Variants in HOMER2 observed in about 807,000 individuals in gnomAD.
The protein encoded by HOMER2 is homer scaffold protein 2.
A neutral mutation model predicts 47.0 loss-of-function variants in HOMER2; 27 were observed. The observed-to-expected ratio is 0.57, with a 90% CI of 0.42 to 0.79. The LOEUF is 0.79. HOMER2 is among the 30% of genes least tolerant of loss of function. The pLI is 0.00. For synonymous variants in HOMER2, 161 were observed against 163.8 expected (o/e 0.98, Z 0.13); for missense variants, 443 against 435.0 (o/e 1.02, Z -0.16).
At chr15:82,940,553 C>A (rs959904992) in intron 1 of HOMER2, among the ~76,000 whole-genome samples, 5 of 152,150 alleles carry the variant, frequency 3.3e-5, no homozygotes, top group Non-Finnish European at 7.4e-5. Flanking sequence ...ACCATCCTGG[C>A]TAACACAGTG....
chr15:82,870,300 G>T (rs1252300927), intron 3 of HOMER2, among the ~76,000 whole-genome samples: 1 of 152,156 alleles, frequency 6.6e-6, no homozygotes, highest in East Asian at 1.9e-4. Flanking sequence ...TTTTGGTGGG[G>T]TAGGGGAATG....
chr15:82,840,889 A>C (rs1888460513), exon 2 of HOMER2: 1 of 152,172 alleles, frequency 6.6e-6, no homozygotes, highest in Non-Finnish European at 1.5e-5. Flanking sequence ...AAAAACTTCA[A>C]AGAGCAAAAA....
At chr15:82,905,591 C>T (rs2053264236) in intron 1 of HOMER2, among the ~76,000 whole-genome samples, 1 of 151,984 alleles carries the variant, frequency 6.6e-6, no homozygotes, top group African/African-American at 2.4e-5. Context: ...AAACACCTTA[C>T]CTACAAAGGA....
chr15:82,953,006 T>TA (rs1357921365), upstream of HOMER2, among the ~76,000 whole-genome samples: 21 of 152,328 alleles, frequency 1.4e-4, no homozygotes, highest in Admixed American at 6.5e-5. Context: ...CTGATGGACT[T>TA]AAAGTCCCAT....
In HOMER2 at chr15:82,849,313, T is replaced by C. The variant is rs146174181; in HGVS notation, c.*402A>G. 637 of 162,992 alleles carry C rather than the reference T, an allele frequency of 3.9e-3. 4 individuals are homozygous for C. The highest frequency in any genetic ancestry group is 0.014 in the African/African-American group (595 of 41,912). The allele number at this position is 162,992 out of a possible 1,614,324, so 10.1% of individuals were successfully genotyped here. A position where few individuals can be genotyped will look rare whatever the true frequency, so the allele number is the denominator to read the frequency against. On this transcript the variant is annotated 3_prime_UTR_variant, in exon 9 of 9. Transcript: ENST00000450735. ...CCCCGGGGCTGGTGTCTGGTGGACA[T>C]TCAAATACTCTGAATGCTATTTGAT... is the stretch of plus-strand genomic sequence containing the variant.
At chr15:82,903,210 G>C (rs1038554709) in intron 1 of HOMER2, among the ~76,000 whole-genome samples, 1 of 152,300 alleles carries the variant, frequency 6.6e-6, no homozygotes, top group African/African-American at 2.4e-5. Context: ...GGCCTAGAGC[G>C]GTAGGGACCG....
exon 2 of HOMER2, chr15:82,841,667 TC>T (rs2051177574): frequency 6.6e-6 from 1 of 152,160 alleles, no homozygotes; most frequent in Admixed American, 6.5e-5. Flanking sequence ...AATAAAATTA[TC>T]AACCTACCCA....
rs2069254 is a variant in HOMER2, at chr15:82,916,447, T to C, written c.6-23606A>G. Among the ~76,000 whole-genome samples the C allele has an allele frequency of 5.6e-3, 850 of 152,226 alleles. 8 individuals carry two copies. Among genetic ancestry groups the C allele is most frequent in the African/African-American group, 0.02 (817 of 41,536 alleles). On this transcript the variant is annotated intron_variant, in intron 1 of 8. Transcript: ENST00000450735. ...GTACATGGGATGAGGTACAAAACAG[T>C]GACCCTAAAGCAAGGGTCTTCCGAC...
At chr15:82,894,612 A>G (rs2052841550) in intron 1 of HOMER2, among the ~76,000 whole-genome samples, 1 of 149,304 alleles carries the variant, frequency 6.7e-6, no homozygotes, top group Non-Finnish European at 1.5e-5. Context: ...CAGAGCTTGC[A>G]GTGAGCTGAG....
intron 2 of HOMER2, among the ~76,000 whole-genome samples, chr15:82,890,898 G>A (rs896837337): frequency 1.3e-5 from 2 of 152,108 alleles, no homozygotes; most frequent in Admixed American, 6.5e-5. Flanking sequence ...ACAGAGGAGA[G>A]AAACGGTAAT....
At position 82,913,303 on chromosome 15, in the gene HOMER2, G is replaced by T. The variant is rs916861090; in HGVS notation, c.6-20462C>A. ...TCCACTTTTCTTACTTTGCCTCCAG[G>T]TTAGTCTGATTTTTTTTTTTTAACA... On this transcript the variant is annotated intron_variant, in intron 1 of 8. Transcript: ENST00000450735. This position sits in a 1 kb window ranked among gnomAD's most constrained non-coding sequence, Gnocchi z 4.1. Among the ~76,000 whole-genome samples, 11 of 152,102 alleles carry T rather than the reference G, an allele frequency of 7.2e-5. No individual in the cohort carries two copies. Among genetic ancestry groups the T allele is most frequent in the African/African-American group, 2.7e-4 (11 of 41,402 alleles).
intron 1 of HOMER2, among the ~76,000 whole-genome samples, chr15:82,943,301 T>C (rs2054303483): frequency 1.3e-5 from 2 of 152,218 alleles, no homozygotes; most frequent in South Asian, 4.1e-4. Flanking sequence ...TTGAGCTGTA[T>C]GTGCTTAACC....
intron 8 of HOMER2, among the ~76,000 whole-genome samples, chr15:82,850,578 G>A (rs1408506143): frequency 6.6e-6 from 1 of 152,244 alleles, no homozygotes; most frequent in Non-Finnish European, 1.5e-5. Flanking sequence ...TCAAATAAGA[G>A]CTTTATGTTG....
intron 1 of HOMER2, among the ~76,000 whole-genome samples, chr15:82,912,996 T>A (rs1261691863): frequency 2.6e-5 from 4 of 152,162 alleles, no homozygotes; most frequent in Non-Finnish European, 5.9e-5. Flanking sequence ...AGGAAAATTT[T>A]AAATAATGCT....
upstream of HOMER2, among the ~76,000 whole-genome samples, chr15:82,953,803 A>G (rs1331035057): frequency 6.6e-6 from 1 of 152,220 alleles, no homozygotes; most frequent in East Asian, 1.9e-4. Context: ...GAATCGCGTG[A>G]ACCTGGAAGG....
intron 1 of HOMER2, among the ~76,000 whole-genome samples, chr15:82,970,500 G>T (rs79135686): frequency 0.046 from 7,007 of 152,212 alleles, 223 homozygotes; most frequent in Non-Finnish European, 0.071. Flanking sequence ...CTTTGGTTTT[G>T]ATCCTTACTT....
At chr15:82,976,717 T>C (rs1418853434) in intron 1 of HOMER2, among the ~76,000 whole-genome samples, 1 of 148,816 alleles carries the variant, frequency 6.7e-6, no homozygotes, top group African/African-American at 2.5e-5. Context: ...TTTGCTCTTG[T>C]TGCCCAGGCT....
In HOMER2 at chr15:82,943,069, G is replaced by A. The variant is rs534229706; in HGVS notation, c.5+9462C>T. Among the ~76,000 whole-genome samples the A allele has an allele frequency of 5.3e-5, 8 of 152,242 alleles. No individual in the cohort carries two copies. The South Asian group carries it at 1.2e-3, about 24-fold the overall frequency. ...CCTAACTCCAGACGGTGCCCAAAGG[G>A]CCAACTTCCCACCCAAAGAAGAAAT... is the stretch of plus-strand genomic sequence containing the variant. On this transcript the variant is annotated intron_variant, in intron 1 of 8. Transcript: ENST00000450735.
chr15:82,852,285 G>T, intron 6 of HOMER2, 33 bp from the exon 7 acceptor site: 2 of 1,454,038 alleles, frequency 1.4e-6, no homozygotes, highest in Middle Eastern at 1.7e-4. Context: ...AAGCAGGGAC[G>T]CCAGCTTAAC....
Sources: gnomAD v4.1 joint callset for allele counts (sites outside exome capture counted in the v4.1 genomes callset) on GRCh38, gnomAD v4.1.1 for gene constraint, Gnocchi (gnomAD v3.1) non-coding constraint, MANE v1.5 for transcripts, NCBI Gene and HGNC (gene_info 2026-07-23, HGNC 2026-07-21) for gene names.